COL22A1: variants seen among roughly 807,000 people sequenced by gnomAD.
The protein encoded by COL22A1 is collagen alpha-1(XXII) chain.
COL22A1 carries 221 observed loss-of-function variants against 248.9 expected under a neutral mutation model. The observed-to-expected ratio is 0.89, with a 90% CI of 0.80 to 0.99. COL22A1 has a LOEUF of 0.99. COL22A1 is among the 50% of genes least tolerant of loss of function. The pLI is 0.00. For synonymous variants in COL22A1, 891 were observed against 793.4 expected (o/e 1.12, Z -2.07); for missense variants, 2,240 against 2,179.0 (o/e 1.03, Z -0.56).
chr8:138,739,405 A>G (rs2131268588), intron 22 of COL22A1, among the ~76,000 whole-genome samples: 1 of 152,238 alleles, frequency 6.6e-6, no homozygotes, highest in South Asian at 2.1e-4. Context: ...TTCTCCTGAA[A>G]TGCTCCTTTA....
At chr8:138,721,904 CA>C in intron 26 of COL22A1, 131 bp downstream of exon 26, 1 of 775,310 alleles carries the variant, frequency 1.3e-6, no homozygotes, top group Admixed American at 2.0e-5. Context: ...CCCATAAATC[CA>C]AACATTTCAA....
At chr8:138,791,317 C>A (rs1328380299) in intron 12 of COL22A1, among the ~76,000 whole-genome samples, 1 of 152,144 alleles carries the variant, frequency 6.6e-6, no homozygotes, top group African/African-American at 2.4e-5. Flanking sequence ...GAAAGATAAA[C>A]CTAGAATCAG....
At chr8:138,627,193 G>A (rs1041249579) in intron 50 of COL22A1, among the ~76,000 whole-genome samples, 1 of 152,200 alleles carries the variant, frequency 6.6e-6, no homozygotes, top group African/African-American at 2.4e-5. Flanking sequence ...AGACAAAGAT[G>A]GAGTTATTAT....
At chr8:138,662,005 G>C (rs747349050) in intron 43 of COL22A1, 25 bp downstream of exon 43, 25 of 1,602,980 alleles carry the variant, frequency 1.6e-5, no homozygotes, top group Non-Finnish European at 2.1e-5. Flanking sequence ...CCTTCACTGA[G>C]TCCACGCCAT....
chr8:138,630,340 C>T (rs74640390), intron 50 of COL22A1, among the ~76,000 whole-genome samples: 9,677 of 152,196 alleles, frequency 0.064, 729 homozygotes, highest in African/African-American at 0.18. Flanking sequence ...GGTGAGTTAG[C>T]ACTGAGCCTT....
intron 1 of COL22A1, among the ~76,000 whole-genome samples, chr8:138,901,812 AC>A (rs1472347529): frequency 6.6e-6 from 1 of 151,560 alleles, no homozygotes; most frequent in East Asian, 1.9e-4. Flanking sequence ...GCTGGCTTGC[AC>A]CTACCTCTCC....
intron 16 of COL22A1, among the ~76,000 whole-genome samples, chr8:138,772,546 T>C (rs1173583322): frequency 2.0e-5 from 3 of 152,120 alleles, no homozygotes; most frequent in Non-Finnish European, 4.4e-5. Context: ...GCTGGGTGGG[T>C]GGGCACGTGA....
chr8:138,886,263 C>T (rs1030806589), intron 1 of COL22A1, among the ~76,000 whole-genome samples: 8 of 152,156 alleles, frequency 5.3e-5, no homozygotes, highest in Non-Finnish European at 8.8e-5. Flanking sequence ...ATCATCTGCC[C>T]AGGGCCTCTC....
At chr8:138,835,397 C>G (rs1485206896) in intron 4 of COL22A1, among the ~76,000 whole-genome samples, 1 of 152,236 alleles carries the variant, frequency 6.6e-6, no homozygotes, top group Non-Finnish European at 1.5e-5. Context: ...GTGAGTGATT[C>G]AGCATCTCTG....
At chr8:138,814,044 G>A (rs1402363163) in intron 7 of COL22A1, among the ~76,000 whole-genome samples, 3 of 152,224 alleles carry the variant, frequency 2.0e-5, no homozygotes, top group Non-Finnish European at 2.9e-5. Flanking sequence ...CCACATGCAT[G>A]AACACATTCA....
rs1446519637 is a variant in COL22A1 at position 138,657,417 on chromosome 8, C to T, written c.3286-1473G>A. On this transcript the variant is annotated intron_variant, in intron 44 of 64. Coordinates refer to ENST00000303045, the MANE Select transcript of COL22A1 (RefSeq NM_152888.3). ...TATTACTAGGGATATTCTTACATTG[C>T]CATTGAGTCCTTTGCATAATTAGAG... is the stretch of plus-strand genomic sequence containing the variant. Among the ~76,000 whole-genome samples, 55 of 152,192 alleles carry T rather than the reference C, an allele frequency of 3.6e-4. 1 individual carries two copies. The highest frequency in any genetic ancestry group is 3.6e-3 in the Admixed American group (55 of 15,286).
intron 11 of COL22A1, among the ~76,000 whole-genome samples, chr8:138,801,306 T>A (rs1390850480): frequency 6.6e-6 from 1 of 152,066 alleles, no homozygotes; most frequent in Non-Finnish European, 1.5e-5. Context: ...ATTAGAGACG[T>A]GATGAGACTA....
intron 3 of COL22A1, among the ~76,000 whole-genome samples, chr8:138,872,985 AACAGCC>A (rs1823454315): frequency 6.6e-6 from 1 of 152,326 alleles, no homozygotes; most frequent in South Asian, 2.1e-4. Flanking sequence ...TCATTCAACA[AACAGCC>A]ACTGGCCACC....
chr8:138,699,226 A>T (rs1418577910), intron 32 of COL22A1, among the ~76,000 whole-genome samples: 1 of 152,162 alleles, frequency 6.6e-6, no homozygotes, highest in Non-Finnish European at 1.5e-5. Flanking sequence ...ATGCTTCCCA[A>T]GCACAAAATC....
At chr8:138,722,395 T>C (rs1054280218) in intron 25 of COL22A1, among the ~76,000 whole-genome samples, 3 of 152,178 alleles carry the variant, frequency 2.0e-5, no homozygotes, top group African/African-American at 7.2e-5. Flanking sequence ...GTTCTATTTC[T>C]ACCCTCAGCT....
intron 41 of COL22A1, among the ~76,000 whole-genome samples, chr8:138,665,066 T>TA (rs1042652464): frequency 6.6e-6 from 1 of 152,164 alleles, no homozygotes; most frequent in Non-Finnish European, 1.5e-5. Context: ...AGGGGTAACC[T>TA]AAAAGCCTAC....
At chr8:138,872,195 G>A (rs1823393878) in intron 3 of COL22A1, among the ~76,000 whole-genome samples, 1 of 152,176 alleles carries the variant, frequency 6.6e-6, no homozygotes, top group South Asian at 2.1e-4. Context: ...CCCACCCTCA[G>A]TCGTATTGGC....
intron 46 of COL22A1, among the ~76,000 whole-genome samples, chr8:138,649,462 T>A (rs1004337321): frequency 4.6e-5 from 7 of 152,182 alleles, no homozygotes; most frequent in African/African-American, 1.7e-4. Context: ...AATCAACATC[T>A]TCTTAAAGTG....
At chr8:138,674,350 T>C (rs1231946442) in intron 41 of COL22A1, among the ~76,000 whole-genome samples, 3 of 152,018 alleles carry the variant, frequency 2.0e-5, no homozygotes, top group Non-Finnish European at 4.4e-5. Context: ...GACCCCTTCT[T>C]CACCTCCTCC....
Sources: allele counts gnomAD v4.1 joint callset (sites outside exome capture counted in the v4.1 genomes callset), GRCh38; gene constraint gnomAD v4.1.1; transcripts MANE v1.5; gene names NCBI Gene and HGNC (gene_info 2026-07-23, HGNC 2026-07-21).